Variants in NCKAP5 observed in about 807,000 individuals in gnomAD.
NCKAP5 encodes the protein NCK associated protein 5.
Under a neutral mutation model 167.0 loss-of-function variants are expected in NCKAP5, and 92 were observed. The ratio of observed to expected loss-of-function variants is 0.55; its 90% CI spans 0.47 to 0.66. NCKAP5 has a LOEUF of 0.66. Among genes scored for constraint, NCKAP5 ranks in the 30% least tolerant of loss-of-function variants. NCKAP5 has a pLI of 0.00. For synonymous variants in NCKAP5, 891 were observed against 877.4 expected (o/e 1.02, Z -0.27); for missense variants, 2,378 against 2,315.0 (o/e 1.03, Z -0.56).
intron 11 of NCKAP5, among the ~76,000 whole-genome samples, chr2:132,817,567 G>T (rs188299562): frequency 3.9e-5 from 6 of 152,312 alleles, no homozygotes; most frequent in Admixed American, 3.9e-4. Flanking sequence ...CTCCATGGGA[G>T]ACCAATGGTG....
chr2:133,194,740 TGTGAA>T (rs1426170650), intron 5 of NCKAP5, among the ~76,000 whole-genome samples: 1 of 151,806 alleles, frequency 6.6e-6, no homozygotes, highest in African/African-American at 2.4e-5. Flanking sequence ...GTGCTAATCA[TGTGAA>T]GTGAATTATT....
intron 2 of NCKAP5, among the ~76,000 whole-genome samples, chr2:133,544,369 T>C (rs1686481749): frequency 2.6e-5 from 4 of 152,202 alleles, no homozygotes; most frequent in Non-Finnish European, 5.9e-5. Flanking sequence ...AAGTTAAAAT[T>C]ATGTAGAAAC....
At position 133,416,969 on chromosome 2, in the gene NCKAP5, A is replaced by T. The variant is rs190551749; in HGVS notation, c.69+100489T>A. Among the ~76,000 whole-genome samples the T allele has an allele frequency of 3.7e-3, 568 of 152,296 alleles. 1 individual carries two copies. Among genetic ancestry groups the T allele is most frequent in the Non-Finnish European group, 6.5e-3 (442 of 68,034 alleles). ...CTTGCACGCATCTGAGGGTGGGGCA[A>T]TGCTTAGAATGAGAGTGAGAAACAC... On this transcript the variant is annotated intron_variant, in intron 3 of 19. Coordinates refer to ENST00000409261, the MANE Select transcript of NCKAP5 (RefSeq NM_207363.3).
chr2:133,229,490 A>G (rs183292823), intron 4 of NCKAP5, among the ~76,000 whole-genome samples: 1 of 152,362 alleles, frequency 6.6e-6, no homozygotes, highest in East Asian at 1.9e-4. Flanking sequence ...GTTTACATTT[A>G]AGATAAAAGA....
chr2:133,513,243 G>A (rs1263719239), intron 3 of NCKAP5, among the ~76,000 whole-genome samples: 5 of 152,230 alleles, frequency 3.3e-5, no homozygotes, highest in Non-Finnish European at 7.3e-5. Context: ...CATAGATAGA[G>A]CAGTGGTTCT....
At chr2:132,866,324 T>C (rs1690349232) in intron 10 of NCKAP5, among the ~76,000 whole-genome samples, 1 of 152,202 alleles carries the variant, frequency 6.6e-6, no homozygotes, top group African/African-American at 2.4e-5. Context: ...AGATAAAATA[T>C]ATTTCAGATA....
chr2:132,994,743 T>C (rs1188015321), intron 6 of NCKAP5, among the ~76,000 whole-genome samples: 1 of 152,170 alleles, frequency 6.6e-6, no homozygotes, highest in Non-Finnish European at 1.5e-5. Context: ...CAGGAATACG[T>C]TCTGAGAAAT....
rs1314129396 is a variant in NCKAP5 at position 132,853,059 on chromosome 2, T to A, written c.807+7433A>T. ...AAAGCAATATATTCTGGCTGTCCCATGAATATGATTGTGCAGCATAGTGCC... is the reference window on the plus strand; with the variant it reads ...AAAGCAATATATTCTGGCTGTCCCAAGAATATGATTGTGCAGCATAGTGCC... On this transcript the variant is annotated intron_variant, in intron 11 of 19. Coordinates refer to ENST00000409261, the MANE Select transcript of NCKAP5 (RefSeq NM_207363.3). 2.0e-5 allele frequency among the ~76,000 whole-genome samples: 3 copies of A among 152,198 alleles called. No homozygotes were observed. In the South Asian group the frequency reaches 6.2e-4, roughly 32 times the overall value.
intron 4 of NCKAP5, among the ~76,000 whole-genome samples, chr2:133,271,133 C>T (rs1445956581): frequency 2.0e-5 from 3 of 147,354 alleles, no homozygotes; most frequent in Non-Finnish European, 4.5e-5. Context: ...AGGGTTTCAT[C>T]GTGTTAGCCA....
chr2:132,851,956 G>T (rs1689114802), intron 11 of NCKAP5, among the ~76,000 whole-genome samples: 1 of 152,154 alleles, frequency 6.6e-6, no homozygotes, highest in Admixed American at 6.5e-5. Flanking sequence ...CCGGGAATAA[G>T]ATTTCCCTAG....
chr2:133,034,698 GT>G (rs1271365249), intron 6 of NCKAP5, among the ~76,000 whole-genome samples: 1 of 151,856 alleles, frequency 6.6e-6, no homozygotes, highest in African/African-American at 2.4e-5. Flanking sequence ...TTGTTATCAG[GT>G]TAAAGTAGTT....
chr2:133,492,527 A>G (rs1306243149), intron 3 of NCKAP5, among the ~76,000 whole-genome samples: 4 of 152,154 alleles, frequency 2.6e-5, no homozygotes, highest in African/African-American at 9.7e-5. Context: ...AAATCGCTGG[A>G]TCTGGAACGA....
rs139064940 is a variant in NCKAP5 at position 133,324,742 on chromosome 2, C to T, written c.70-21632G>A. 1.7e-3 allele frequency among the ~76,000 whole-genome samples: 265 copies of T among 151,796 alleles called. 2 individuals carry two copies. Among genetic ancestry groups the T allele is most frequent in the African/African-American group, 5.7e-3 (237 of 41,412 alleles). On this transcript the variant is annotated intron_variant, in intron 3 of 19. Coordinates refer to ENST00000409261, the MANE Select transcript of NCKAP5 (RefSeq NM_207363.3). ...TTTTTTTTTCTTTTCTTTTTTGAGA[C>T]GGAGCCTGGCTCTGTCGCCCAGGCT...
chr2:132,941,772 C>T (rs1234961369), intron 8 of NCKAP5, among the ~76,000 whole-genome samples: 1 of 152,156 alleles, frequency 6.6e-6, no homozygotes, highest in East Asian at 1.9e-4. Context: ...ATACTCCTGA[C>T]TCATATTTCT....
At chr2:132,700,927 GGGC>G (rs1396247103) in intron 19 of NCKAP5, among the ~76,000 whole-genome samples, 2,156 of 84,166 alleles carry the variant, frequency 0.026, 60 homozygotes, top group African/African-American at 0.13. Flanking sequence ...ACAATCCCCT[GGGC>G]GGGGGGGGGG....
At chr2:132,847,384 T>C (rs956268928) in intron 11 of NCKAP5, among the ~76,000 whole-genome samples, 1 of 152,244 alleles carries the variant, frequency 6.6e-6, no homozygotes, top group Non-Finnish European at 1.5e-5. Context: ...AGGAGATAAC[T>C]GAAATTTACA....
intron 3 of NCKAP5, among the ~76,000 whole-genome samples, chr2:133,466,065 T>C (rs1336485184): frequency 3.3e-5 from 5 of 150,376 alleles, no homozygotes; most frequent in Non-Finnish European, 1.5e-5. Flanking sequence ...TTTGGTGTTT[T>C]AGACATGAAG....
chr2:133,226,561 C>T (rs765630339), intron 4 of NCKAP5, among the ~76,000 whole-genome samples: 7 of 147,474 alleles, frequency 4.7e-5, no homozygotes, highest in African/African-American at 7.5e-5. Context: ...GGTCCTAATC[C>T]GACAGGAGTG....
chr2:133,182,892 C>T (rs1180986051), intron 5 of NCKAP5, among the ~76,000 whole-genome samples: 2 of 152,038 alleles, frequency 1.3e-5, no homozygotes, highest in African/African-American at 4.8e-5. Flanking sequence ...AGAGAAAAGA[C>T]ACAAATTACC....
Sources: gnomAD v4.1 joint callset for allele counts (sites outside exome capture counted in the v4.1 genomes callset) on GRCh38, gnomAD v4.1.1 for gene constraint, MANE v1.5 for transcripts, NCBI Gene and HGNC (gene_info 2026-07-23, HGNC 2026-07-21) for gene names.